STAB2: variants seen among roughly 807,000 people sequenced by gnomAD.
STAB2 encodes stabilin 2, also known as stabilin-2.
A neutral mutation model predicts 338.1 loss-of-function variants in STAB2; 288 were observed. That is an observed-to-expected ratio of 0.85 (90% CI 0.77 to 0.94). STAB2 has a LOEUF of 0.94. Ranked by LOEUF, STAB2 falls within the 40% of genes least tolerant of loss-of-function variation. The pLI, the probability that STAB2 is intolerant of heterozygous loss-of-function variation, is 0.00. For missense variants in STAB2, 3,141 were observed against 3,210.1 expected (o/e 0.98, Z 0.52); for synonymous variants, 1,202 against 1,193.3 (o/e 1.01, Z -0.15).
Position 103,720,761 on chromosome 12 carries a change from T to C in STAB2, c.4683+2920T>C, listed in dbSNP as rs116515570. On this transcript the variant is annotated intron_variant, in intron 44 of 68. Coordinates refer to ENST00000388887, the MANE Select transcript of STAB2 (RefSeq NM_017564.10). ...AGCACAGAGGATACCTGAGACTGGG[T>C]AGCTTATAAGCAACAGAAATTTATT... 1.0e-2 allele frequency among the ~76,000 whole-genome samples: 1,518 copies of C among 152,306 alleles called. 23 individuals are homozygous for C. Among genetic ancestry groups the C allele is most frequent in the African/African-American group, 0.035 (1,449 of 41,578 alleles).
intron 12 of STAB2, among the ~76,000 whole-genome samples, chr12:103,653,259 TA>T (rs1310788963): frequency 6.6e-6 from 1 of 152,132 alleles, no homozygotes; most frequent in African/African-American, 2.4e-5. Context: ...TGCATGTATA[TA>T]GGCATAGGAC....
rs139803561 is a variant in STAB2, at chr12:103,590,234, T to C, written c.82-663T>C. 4.6e-5 allele frequency among the ~76,000 whole-genome samples: 7 copies of C among 152,298 alleles called. No individual in the cohort carries two copies. In the East Asian group the frequency reaches 1.3e-3, roughly 29 times the overall value. On this transcript the variant is annotated intron_variant, in intron 1 of 68. Coordinates refer to ENST00000388887, the MANE Select transcript of STAB2 (RefSeq NM_017564.10). Reference sequence around the variant, plus strand: ...ATAACTGTTTCTAGCACATCTGATTTCCCCAATTCATTTGTTTAATCAACA... The same window carrying C: ...ATAACTGTTTCTAGCACATCTGATTCCCCCAATTCATTTGTTTAATCAACA...
At chr12:103,720,011 C>T (rs554727286) in intron 44 of STAB2, among the ~76,000 whole-genome samples, 4 of 152,292 alleles carry the variant, frequency 2.6e-5, no homozygotes, top group African/African-American at 9.6e-5. Flanking sequence ...TAATTAAAGC[C>T]CTTCTTCTTC....
chr12:103,706,541 T>G (rs1350024443), intron 37 of STAB2, among the ~76,000 whole-genome samples: 2 of 152,116 alleles, frequency 1.3e-5, no homozygotes, highest in East Asian at 3.9e-4. Flanking sequence ...TTCATCCTCT[T>G]CTCTGACATG....
rs756142182 is a variant in STAB2, at chr12:103,727,299, C to T, written c.4884C>T (p.Gly1628=). The T allele has an allele frequency of 2.5e-6, 4 of 1,614,120 alleles. No homozygotes were observed. The Admixed American group carries it at 6.7e-5, about 27-fold the overall frequency. The change falls in exon 47 of 69, where the codon GGC becomes GGT. Residue 1628 remains glycine (G), a synonymous_variant. Transcript: ENST00000388887. ...TCGTGAAAGATCTGGTCGGCCCAGGCCCCTTCACTGTTTTTGCACCTTTAT... is the reference window on the plus strand; with the variant it reads ...TCGTGAAAGATCTGGTCGGCCCAGGTCCCTTCACTGTTTTTGCACCTTTAT... ...EHFVKDLVGP[G]PFTVFAPLSA...
chr12:103,692,471 G>A (rs916340814), intron 30 of STAB2, among the ~76,000 whole-genome samples: 8 of 152,180 alleles, frequency 5.3e-5, no homozygotes, highest in African/African-American at 1.9e-4. Context: ...GCCTCGAACA[G>A]CACTTTTGTC....
At chr12:103,630,980 T>C (rs1565972660) in intron 5 of STAB2, among the ~76,000 whole-genome samples, 1 of 152,208 alleles carries the variant, frequency 6.6e-6, no homozygotes, top group Non-Finnish European at 1.5e-5. Context: ...AGGATGACAA[T>C]GGCCTAGCCT....
chr12:103,685,160 G>A, intron 27 of STAB2, 76 bp downstream of exon 27: 1 of 1,333,982 alleles, frequency 7.5e-7, no homozygotes, highest in Non-Finnish European at 1.1e-6. Context: ...CCTTTAAAGT[G>A]ATCTATTGAC....
chr12:103,739,205 C>T (rs939856162), intron 53 of STAB2, among the ~76,000 whole-genome samples: 6 of 151,206 alleles, frequency 4.0e-5, no homozygotes, highest in Non-Finnish European at 7.4e-5. Flanking sequence ...TCAAACTTCT[C>T]GCCTCAAGCA....
chr12:103,677,449 G>T lies in STAB2; in HGVS notation c.2647-4G>T. The T allele has an allele frequency of 6.2e-7, 1 of 1,601,568 alleles. No homozygotes were observed. ...AGGCTTTGCTTTTTCTTTTCCTCCT[G>T]CAGGCAGAATGCATCAAAACTGGCA... On this transcript the variant is annotated splice_polypyrimidine_tract_variant and splice_region_variant and intron_variant, in intron 24 of 68. Coordinates refer to ENST00000388887, the MANE Select transcript of STAB2 (RefSeq NM_017564.10).
intron 55 of STAB2, 113 bp downstream of exon 55, chr12:103,740,869 A>AGC: frequency 1.4e-6 from 2 of 1,388,186 alleles, no homozygotes; most frequent in Non-Finnish European, 1.9e-6. Context: ...CACTGCTAAT[A>AGC]ATGATTCCCA....
intron 3 of STAB2, among the ~76,000 whole-genome samples, chr12:103,595,848 C>A (rs1956867078): frequency 6.6e-6 from 1 of 152,154 alleles, no homozygotes. Context: ...CCAGAGCAAA[C>A]CTGTTCAAAA....
chr12:103,597,804 C>T (rs703602), intron 3 of STAB2, among the ~76,000 whole-genome samples: 1 of 151,528 alleles, frequency 6.6e-6, no homozygotes, highest in Non-Finnish European at 1.5e-5. Context: ...CTGCCATGAA[C>T]GTTAATGGAT....
chr12:103,633,678 T>G (rs1239169669), intron 6 of STAB2, among the ~76,000 whole-genome samples: 1 of 152,200 alleles, frequency 6.6e-6, no homozygotes, highest in Non-Finnish European at 1.5e-5. Context: ...TGAGACTCCG[T>G]CTCAAAAAGA....
Position 103,742,555 on chromosome 12 carries a change from G to A in STAB2, c.6031+1G>A, listed in dbSNP as rs376678603. ...GGGAGATTCGGGCCTGATTGTCTGC[G>A]TATGTGGCGCCGCTTCTCCGTGCTA... On this transcript the variant is annotated splice_donor_variant, in intron 56 of 68. Coordinates refer to ENST00000388887, the MANE Select transcript of STAB2 (RefSeq NM_017564.10). LOFTEE classifies it high-confidence loss of function. 23 of 1,614,022 alleles carry A rather than the reference G, an allele frequency of 1.4e-5. No homozygotes were observed. Among genetic ancestry groups the A allele is most frequent in the African/African-American group, 2.7e-5 (2 of 74,904 alleles).
chr12:103,695,956 A>G, intron 33 of STAB2, 112 bp downstream of exon 33: 4 of 1,003,664 alleles, frequency 4.0e-6, no homozygotes, highest in Admixed American at 2.0e-5. Flanking sequence ...GTCCATAGCC[A>G]CATACTTGAC....
At chr12:103,719,608 C>T (rs1341604679) in intron 44 of STAB2, among the ~76,000 whole-genome samples, 1 of 152,240 alleles carries the variant, frequency 6.6e-6, no homozygotes, top group African/African-American at 2.4e-5. Flanking sequence ...CTTCACATGG[C>T]CTTCACTTCT....
Position 103,748,014 on chromosome 12 carries a change from A to T in STAB2, c.6245-949A>T, listed in dbSNP as rs963157638. Among the ~76,000 whole-genome samples, 3 of 149,856 alleles carry T rather than the reference A, an allele frequency of 2.0e-5. No homozygotes were observed. The South Asian group carries it at 6.3e-4, about 32-fold the overall frequency. ...TGTCTCCAAAAAAAAAAAAAAAAAA[A>T]GGGAAGAAGAAGAAGAAAACAGAGA... On this transcript the variant is annotated intron_variant, in intron 58 of 68. Transcript: ENST00000388887.
Position 103,753,234 on chromosome 12 carries a change from G to T in STAB2, c.6595G>T (p.Val2199Leu). The change falls in exon 61 of 69, where the codon GTG becomes TTG. Residue 2199 changes from valine (V) to leucine (L), a missense_variant. By Grantham distance (32) the Val-to-Leu change is conservative (BLOSUM62 1). Transcript: ENST00000388887. The stretch of plus-strand genomic sequence containing the variant: ...TCCTCATCCAGATACCACTGTTGGG[G>T]TGTTCCATCTACGCTCCCCACTGGG... ...DLHFQDTTVG[V>L]FHLRSPLGQY... is the part of the protein sequence containing the mutation. 1 of 1,614,176 alleles carries T rather than the reference G, an allele frequency of 6.2e-7. No individual in the cohort carries two copies. Among genetic ancestry groups the T allele is most frequent in the Middle Eastern group, 1.6e-4 (1 of 6,062 alleles).
Sources: allele counts gnomAD v4.1 joint callset (sites outside exome capture counted in the v4.1 genomes callset), GRCh38; gene constraint gnomAD v4.1.1; transcripts MANE v1.5; gene names NCBI Gene and HGNC (gene_info 2026-07-23, HGNC 2026-07-21).